The following SLC29A3 variants were observed in gnomAD, a reference collection of about 807,000 sequenced individuals.
SLC29A3 encodes solute carrier family 29 member 3, also known as equilibrative nucleoside transporter 3.
In SLC29A3, 18 loss-of-function variants were observed where a neutral mutation model predicts 25.4. That is an observed-to-expected ratio of 0.71 (90% confidence interval 0.49 to 1.05). The LOEUF is 1.05. SLC29A3 is among the 50% of genes least tolerant of loss of function. The pLI is 0.00. For synonymous variants in SLC29A3, 258 were observed against 267.1 expected, an observed-to-expected ratio of 0.97 and a Z score of 0.33; for missense variants, 586 against 609.0, an observed-to-expected ratio of 0.96 and a Z score of 0.40.
At chr10:71,377,107 G>C (rs1011338488) in intron 4 of SLC29A3, among the ~76,000 whole-genome samples, 2 of 152,184 alleles carry the variant, frequency 1.3e-5, no homozygotes, top group African/African-American at 4.8e-5. Flanking sequence ...TCACAGAGCT[G>C]AACCAAGATG....
At chr10:71,326,714 G>A (rs1845980473) in intron 2 of SLC29A3, among the ~76,000 whole-genome samples, 1 of 152,222 alleles carries the variant, frequency 6.6e-6, no homozygotes, top group African/African-American at 2.4e-5. Flanking sequence ...TCACCGCAAG[G>A]CGATCCCTTC....
At chr10:71,339,904 C>A (rs535647478) in intron 2 of SLC29A3, among the ~76,000 whole-genome samples, 1 of 152,232 alleles carries the variant, frequency 6.6e-6, no homozygotes, top group Admixed American at 6.5e-5. Context: ...TCCAGGCTTG[C>A]GTCCACCTCC....
rs2131839283 is a variant in SLC29A3, at chr10:71,351,727, C to T, written c.549C>T (p.Ser183=). ...VILSGASTVF[S]SSIYGMTGSF... is the part of the protein sequence containing the mutation. ...TCAGCGGTGCCTCCACTGTCTTCAG[C>T]AGCAGCATCTACGGCATGACCGGCT... is the stretch of plus-strand genomic sequence containing the variant. Residue 183 remains serine (S), a synonymous_variant, in exon 4 of 6, where the codon AGC becomes AGT. Coordinates refer to ENST00000373189, the MANE Select transcript of SLC29A3 (RefSeq NM_018344.6). 5 of 1,614,224 alleles carry T rather than the reference C, an allele frequency of 3.1e-6. No individual in the cohort carries two copies. The highest frequency in any genetic ancestry group is 4.2e-6 in the Non-Finnish European group (5 of 1,180,048).
intron 5 of SLC29A3, among the ~76,000 whole-genome samples, chr10:71,358,969 G>T (rs535335207): frequency 1.3e-5 from 2 of 152,142 alleles, no homozygotes; most frequent in Non-Finnish European, 2.9e-5. Flanking sequence ...GGAGTGCAGT[G>T]GCACAATCAC....
intron 2 of SLC29A3, among the ~76,000 whole-genome samples, chr10:71,337,475 C>T (rs561103312): frequency 9.8e-5 from 15 of 152,356 alleles, no homozygotes; most frequent in African/African-American, 2.4e-4. Flanking sequence ...ATCCAGGTAA[C>T]GCTCTGCTGC....
At chr10:71,335,603 A>G (rs561089726) in intron 2 of SLC29A3, among the ~76,000 whole-genome samples, 5 of 152,224 alleles carry the variant, frequency 3.3e-5, no homozygotes, top group African/African-American at 1.2e-4. Flanking sequence ...TGATGTGGAG[A>G]CGGGGCCAGT....
In SLC29A3 at chr10:71,344,298, G is replaced by A. The variant is rs761388085; in HGVS notation, c.383+7G>A. 4.3e-5 allele frequency: 69 copies of A among 1,610,278 alleles called. No homozygotes were observed. The highest frequency in any genetic ancestry group is 3.7e-4 in the African/African-American group (28 of 74,836). On this transcript the variant is annotated splice_region_variant and intron_variant, in intron 3 of 5. Coordinates refer to ENST00000373189, the MANE Select transcript of SLC29A3 (RefSeq NM_018344.6). ...ACTTCCTGCTTGTCAACAGGTAGGC[G>A]ACTCTCTTCCCTCTCTCAGGCCTCT...
downstream of SLC29A3, chr10:71,364,403 T>C (rs780682): frequency 0.75 from 114,453 of 152,128 alleles, 44,192 homozygotes; most frequent in Non-Finnish European, 0.85. Context: ...GCCCCTCACA[T>C]TGGCGATCTC....
At chr10:71,343,397 C>T (rs1052763124) in intron 2 of SLC29A3, among the ~76,000 whole-genome samples, 1 of 152,190 alleles carries the variant, frequency 6.6e-6, no homozygotes, top group Non-Finnish European at 1.5e-5. Flanking sequence ...CTGTGAGTTC[C>T]AGCACATCAT....
chr10:71,321,220 G>A (rs1845839444), intron 1 of SLC29A3, among the ~76,000 whole-genome samples: 1 of 152,154 alleles, frequency 6.6e-6, no homozygotes, highest in Non-Finnish European at 1.5e-5. Context: ...AAAAAAGGGG[G>A]CAATGTTTTC....
Position 71,351,524 on chromosome 10 carries a change from G to A in SLC29A3, c.384-38G>A, listed in dbSNP as rs377458971. The A allele has an allele frequency of 6.4e-5, 103 of 1,601,250 alleles. No homozygotes were observed. The South Asian group carries it at 7.8e-4, about 12-fold the overall frequency. Reference sequence around the variant, plus strand: ...CAGCCCCAGCCCACACAGGAGCCCCGAAGGGGTGTCTAACTGCTTCTGGCA... The same window carrying A: ...CAGCCCCAGCCCACACAGGAGCCCCAAAGGGGTGTCTAACTGCTTCTGGCA... On this transcript the variant is annotated intron_variant, in intron 3 of 5. Transcript: ENST00000373189.
Position 71,356,065 on chromosome 10 carries a change from C to T in SLC29A3, c.611-16C>T. On this transcript the variant is annotated splice_polypyrimidine_tract_variant and intron_variant, in intron 4 of 5. Coordinates refer to ENST00000373189, the MANE Select transcript of SLC29A3 (RefSeq NM_018344.6). ...CCCACCCCTCACCATCTCTGCGTGTCCTCTGTTCTCTGCAGGAGGAGCCAT... is the reference window on the plus strand; with the variant it reads ...CCCACCCCTCACCATCTCTGCGTGTTCTCTGTTCTCTGCAGGAGGAGCCAT... 2 of 1,613,474 alleles carry T rather than the reference C, an allele frequency of 1.2e-6. No homozygotes were observed. Among genetic ancestry groups the T allele is most frequent in the Non-Finnish European group, 1.7e-6 (2 of 1,180,034 alleles).
chr10:71,375,369 T>C (rs902526553), intron 3 of SLC29A3, among the ~76,000 whole-genome samples: 3 of 152,356 alleles, frequency 2.0e-5, no homozygotes, highest in Non-Finnish European at 4.4e-5. Context: ...CCCTTTTCAG[T>C]ACGTTCAATC....
chr10:71,326,809 C>T (rs1170234078), intron 2 of SLC29A3, among the ~76,000 whole-genome samples: 1 of 152,228 alleles, frequency 6.6e-6, no homozygotes, highest in Non-Finnish European at 1.5e-5. Context: ...GATGTAGTAC[C>T]TTCAGCTGCC....
chr10:71,340,966 C>T (rs191892776), intron 2 of SLC29A3, among the ~76,000 whole-genome samples: 29 of 152,268 alleles, frequency 1.9e-4, no homozygotes, highest in Admixed American at 1.4e-3. Context: ...TATTTTGGAG[C>T]GGCCACAGCT....
intron 2 of SLC29A3, among the ~76,000 whole-genome samples, chr10:71,337,429 C>T (rs933954938): frequency 6.6e-6 from 1 of 152,252 alleles, no homozygotes; most frequent in African/African-American, 2.4e-5. Flanking sequence ...TTCTTGGCTC[C>T]AACCTGCTCG....
chr10:71,335,966 T>G (rs1589227204), intron 2 of SLC29A3, among the ~76,000 whole-genome samples: 1 of 150,460 alleles, frequency 6.6e-6, no homozygotes. Flanking sequence ...AGTGTGGAGG[T>G]GGGGGCGGGT....
intron 5 of SLC29A3, 94 bp from the exon 6 acceptor site, chr10:71,361,860 G>C: frequency 6.8e-7 from 1 of 1,464,388 alleles, no homozygotes; most frequent in Admixed American, 1.7e-5. Flanking sequence ...CTCCATGCTG[G>C]GCTGGAAGGT....
chr10:71,357,142 C>T (rs1231381902), intron 5 of SLC29A3, among the ~76,000 whole-genome samples: 11 of 152,124 alleles, frequency 7.2e-5, no homozygotes, highest in South Asian at 6.2e-4. Context: ...AGGCCAGGCA[C>T]GGTGGCTCAC....
Sources: allele counts gnomAD v4.1 joint callset (sites outside exome capture counted in the v4.1 genomes callset), GRCh38; gene constraint gnomAD v4.1.1; transcripts MANE v1.5; gene names NCBI Gene and HGNC (gene_info 2026-07-23, HGNC 2026-07-21).